The following AIFM3 variants were observed in gnomAD, a reference collection of about 807,000 sequenced individuals.
AIFM3 encodes the protein AIF family member 3.
AIFM3 carries 71 observed loss-of-function variants against 82.7 expected under a neutral mutation model. The ratio of observed to expected loss-of-function variants is 0.86; its 90% CI spans 0.71 to 1.05. The LOEUF is 1.05. Ranked by LOEUF, AIFM3 falls within the 50% of genes least tolerant of loss-of-function variation. The pLI, the probability that AIFM3 is intolerant of heterozygous loss-of-function variation, is 0.00. For missense variants in AIFM3, 748 were observed against 816.7 expected (o/e 0.92, Z 1.03); for synonymous variants, 337 against 329.1 (o/e 1.02, Z -0.26).
At chr22:20,968,730 G>T (rs1395595639) in intron 2 of AIFM3, among the ~76,000 whole-genome samples, 2 of 152,102 alleles carry the variant, frequency 1.3e-5, no homozygotes, top group Non-Finnish European at 2.9e-5. Flanking sequence ...CACAGGTGGA[G>T]AAACTGAGGC....
intron 4 of AIFM3, 34 bp from the exon 5 acceptor site, chr22:20,974,029 C>T: frequency 6.4e-7 from 1 of 1,570,584 alleles, no homozygotes; most frequent in Non-Finnish European, 8.6e-7. Context: ...GCAACCCCTG[C>T]TGGTGGGCGC....
chr22:20,977,305 T>C (rs1923753364), intron 14 of AIFM3: 2 of 647,984 alleles, frequency 3.1e-6, no homozygotes, highest in Non-Finnish European at 5.4e-6. Flanking sequence ...ATGCTCCCAG[T>C]GCCCGCTGCC....
In AIFM3 at chr22:20,973,315, A is replaced by G; in HGVS notation, c.40A>G (p.Lys14Glu). ...CGCTGCCTTGCCCACAGTGGAGCTC[A>G]AGATCGAGGTGGTGCTGCCTGAGAA... ...CFSKPKPVEL[K>E]IEVVLPEKER... The change falls in exon 3 of 21, where the codon AAG becomes GAG. Residue 14 changes from lysine to glutamate, a missense_variant. Lys to Glu is a moderately conservative substitution (Grantham distance 56). Transcript: ENST00000440238. 6.3e-7 allele frequency: 1 copy of G among 1,586,140 alleles called. No homozygotes were observed. The highest frequency in any genetic ancestry group is 8.6e-7 in the Non-Finnish European group (1 of 1,166,598).
chr22:20,970,512 G>C (rs570257026), intron 2 of AIFM3, among the ~76,000 whole-genome samples: 1 of 152,234 alleles, frequency 6.6e-6, no homozygotes, highest in East Asian at 1.9e-4. Context: ...CCAGGCTGGA[G>C]TGCAATGGCT....
At chr22:20,979,529 G>C in intron 17 of AIFM3, 98 bp from the exon 18 acceptor site, 1 of 1,504,594 alleles carries the variant, frequency 6.6e-7, no homozygotes, top group Non-Finnish European at 9.2e-7. Context: ...CTAAAAGGAC[G>C]TATGGAGCAG....
In AIFM3 at chr22:20,976,477, C is replaced by T; in HGVS notation, c.969C>T (p.Ala323=). ...TCACTATCCGGACGCCAGAGGATGC[C>T]AATCGCGTGGTGAGGCTGGCCCGAG... The part of the protein sequence containing the change: ...NVFTIRTPED[A]NRVVRLARGR... The change falls in exon 11 of 21, where the codon GCC becomes GCT. Residue 323 remains alanine, a synonymous_variant. Coordinates refer to ENST00000440238, the MANE Select transcript of AIFM3 (RefSeq NM_001386814.1). 1.9e-6 allele frequency: 3 copies of T among 1,614,032 alleles called. No homozygotes were observed. Among genetic ancestry groups the T allele is most frequent in the Non-Finnish European group, 2.5e-6 (3 of 1,180,030 alleles).
chr22:20,966,776 C>T (rs1216422472), upstream of AIFM3: 2 of 152,326 alleles, frequency 1.3e-5, no homozygotes, highest in African/African-American at 4.8e-5. Context: ...GTCCCCTCCC[C>T]CAGGGCACCT....
chr22:20,979,484 G>A (rs1232723268), intron 17 of AIFM3, 115 bp downstream of exon 17: 7 of 1,470,840 alleles, frequency 4.8e-6, no homozygotes, highest in Non-Finnish European at 6.6e-6. Flanking sequence ...GGAAGAGGCC[G>A]GTAAGAACTC....
Position 20,979,670 on chromosome 22 carries a change from G to A in AIFM3, c.1620G>A (p.Leu540=). 6.2e-7 allele frequency: 1 copy of A among 1,614,226 alleles called. No individual in the cohort carries two copies. The highest frequency in any genetic ancestry group is 1.1e-5 in the South Asian group (1 of 91,086). ...GFDDVIIQGD[L]EELKFVAFYT... The stretch of plus-strand genomic sequence containing the variant: ...ACGACGTCATCATCCAGGGGGATCT[G>A]GAGGAGCTGAAGTTTGTGGCTTTTT... Residue 540 remains leucine, a synonymous_variant, in exon 18 of 21, where the codon CTG becomes CTA. Transcript: ENST00000440238.
chr22:20,968,977 G>T (rs1233959359), intron 2 of AIFM3, among the ~76,000 whole-genome samples: 1 of 152,168 alleles, frequency 6.6e-6, no homozygotes, highest in African/African-American at 2.4e-5. Flanking sequence ...GGACCCACTT[G>T]CCTCTGCTCC....
intron 2 of AIFM3, among the ~76,000 whole-genome samples, chr22:20,969,481 G>A (rs1923132811): frequency 6.6e-6 from 1 of 152,010 alleles, no homozygotes; most frequent in Non-Finnish European, 1.5e-5. Context: ...CCATGCTGGA[G>A]TGCAGTGGCG....
rs1923754693 is a variant in AIFM3 at position 20,977,326 on chromosome 22, C to G, written c.1282+231C>G. ...CCAGTGCCCGCTGCCCAGTAACACT[C>G]ATCTCCATGCCCTGCGAGAGTTGAC... On this transcript the variant is annotated intron_variant, in intron 14 of 20. Coordinates refer to ENST00000440238, the MANE Select transcript of AIFM3 (RefSeq NM_001386814.1). 3.2e-6 allele frequency: 2 copies of G among 622,296 alleles called. 1 individual carries two copies. Among genetic ancestry groups the G allele is most frequent in the South Asian group, 3.9e-5 (2 of 51,618 alleles). The allele number at this position is 622,296 out of a possible 1,614,324, so 38.5% of individuals were successfully genotyped here.
Position 20,979,320 on chromosome 22 carries a change from T to G in AIFM3, c.1527T>G (p.Thr509=). The G allele has an allele frequency of 6.4e-7, 1 of 1,560,620 alleles. No individual in the cohort carries two copies. Among genetic ancestry groups the G allele is most frequent in the Non-Finnish European group, 8.7e-7 (1 of 1,152,144 alleles). Residue 509 remains threonine, a synonymous_variant, in exon 17 of 21, where the codon ACT becomes ACG. Coordinates refer to ENST00000440238, the MANE Select transcript of AIFM3 (RefSeq NM_001386814.1). The stretch of plus-strand genomic sequence containing the variant: ...TGGCGCAGGAGGCGGAGATGAGCAC[T>G]GTGCCCTACCTCTGGACCGCCATGT... The part of the protein sequence containing the change: ...NMLAQEAEMS[T]VPYLWTAMFG...
In AIFM3 at chr22:20,973,290, C is replaced by T. The variant is rs755313056; in HGVS notation, c.32-17C>T. The stretch of plus-strand genomic sequence containing the variant: ...GTTGGCTGAGGTGGGGGGCTCAAGG[C>T]GCTGCCTTGCCCACAGTGGAGCTCA... On this transcript the variant is annotated splice_polypyrimidine_tract_variant and intron_variant, in intron 2 of 20. Coordinates refer to ENST00000440238, the MANE Select transcript of AIFM3 (RefSeq NM_001386814.1). The T allele has an allele frequency of 4.0e-5, 63 of 1,560,238 alleles. No individual in the cohort carries two copies. The highest frequency in any genetic ancestry group is 5.2e-5 in the Non-Finnish European group (60 of 1,152,624).
In AIFM3 at chr22:20,981,066, G is replaced by A. The variant is rs897467377; in HGVS notation, c.*35G>A. ...CAGTAGACTTGGGCAGGCAAAGGGG[G>A]CACCAAGGGCACAGGCCAAGCCTTG... is the stretch of plus-strand genomic sequence containing the variant. On this transcript the variant is annotated 3_prime_UTR_variant, in exon 21 of 21. Coordinates refer to ENST00000440238, the MANE Select transcript of AIFM3 (RefSeq NM_001386814.1). 7 of 1,613,506 alleles carry A rather than the reference G, an allele frequency of 4.3e-6. No individual in the cohort carries two copies. The highest frequency in any genetic ancestry group is 5.9e-6 in the Non-Finnish European group (7 of 1,179,680).
chr22:20,977,741 G>T lies in AIFM3; in HGVS notation c.1324G>T (p.Gly442Cys). The T allele has an allele frequency of 6.2e-6, 10 of 1,614,172 alleles. No individual in the cohort carries two copies. The highest frequency in any genetic ancestry group is 7.6e-6 in the Non-Finnish European group (9 of 1,180,040). ...ATGFLRQSGIGLDSRGFIPVN... is the reference protein window; with the variant it reads ...ATGFLRQSGICLDSRGFIPVN... ...AGGCTTCCTGAGGCAAAGCGGCATCGGTTTGGATTCCCGAGGCTTCATCCC... is the reference window on the plus strand; with the variant it reads ...AGGCTTCCTGAGGCAAAGCGGCATCTGTTTGGATTCCCGAGGCTTCATCCC... Residue 442 changes from glycine (G) to cysteine (C), a missense_variant, in exon 15 of 21, where the codon GGT becomes TGT. By Grantham distance (159) the Gly-to-Cys change is radical. Coordinates refer to ENST00000440238, the MANE Select transcript of AIFM3 (RefSeq NM_001386814.1).
intron 2 of AIFM3, among the ~76,000 whole-genome samples, chr22:20,968,545 C>G (rs544426525): frequency 9.2e-5 from 14 of 152,188 alleles, no homozygotes; most frequent in African/African-American, 3.1e-4. Context: ...CAGGAAATCA[C>G]CATCCAACCT....
intron 20 of AIFM3, 79 bp downstream of exon 20, chr22:20,980,846 C>A (rs61626201): frequency 0.065 from 104,601 of 1,611,086 alleles, 6,931 homozygotes; most frequent in African/African-American, 0.35. Flanking sequence ...TCTTATCTCC[C>A]TCTGTCCAAG....
chr22:20,978,290 A>AG (rs11405938), intron 16 of AIFM3, among the ~76,000 whole-genome samples: 126,198 of 151,360 alleles, frequency 0.83, 54,917 homozygotes, highest in East Asian at 0.96. Flanking sequence ...CAACCTGTGC[A>AG]TTACCCTGGG....
Sources: allele counts gnomAD v4.1 joint callset (sites outside exome capture counted in the v4.1 genomes callset), GRCh38; gene constraint gnomAD v4.1.1; transcripts MANE v1.5; gene names NCBI Gene and HGNC (gene_info 2026-07-23, HGNC 2026-07-21).